GDA: variants seen among roughly 807,000 people sequenced by gnomAD.
GDA encodes cytoplasmic PSD-95 interactor.
GDA carries 18 observed loss-of-function variants against 59.6 expected under a neutral mutation model. That is an observed-to-expected ratio of 0.30 (90% CI 0.21 to 0.45). GDA has a LOEUF of 0.45. Among genes scored for constraint, GDA ranks in the 20% least tolerant of loss-of-function variants. GDA has a pLI of 1.00. For missense variants in GDA, 427 were observed against 552.3 expected (o/e 0.77, Z 2.27); for synonymous variants, 201 against 201.1 (o/e 1.00, Z 0.00).
intron 1 of GDA, among the ~76,000 whole-genome samples, chr9:72,132,274 G>T (rs7019377): frequency 3.3e-5 from 5 of 152,196 alleles, no homozygotes; most frequent in African/African-American, 1.2e-4. Context: ...GCCCAACCAC[G>T]GTGGGGTGCC....
intron 3 of GDA, among the ~76,000 whole-genome samples, chr9:72,203,735 A>G (rs569286286): frequency 6.6e-6 from 1 of 152,084 alleles, no homozygotes; most frequent in East Asian, 1.9e-4. Context: ...TAAGCCTTCC[A>G]CATCAACTGA....
chr9:72,198,600 A>G (rs1231198433), intron 2 of GDA, among the ~76,000 whole-genome samples: 1 of 151,602 alleles, frequency 6.6e-6, no homozygotes, highest in African/African-American at 2.4e-5. Context: ...TAAAGACAAG[A>G]TGTTGTTTGT....
chr9:72,225,891 AAAATTTTTTTT>A, intron 8 of GDA, 107 bp downstream of exon 8: 1 of 579,938 alleles, frequency 1.7e-6, no homozygotes, highest in South Asian at 2.7e-5. Context: ...CATTTCTTTA[AAAATTTTTTTT>A]AAAGTTTTAA....
intron 1 of GDA, among the ~76,000 whole-genome samples, chr9:72,118,998 A>G (rs1201059626): frequency 2.6e-5 from 4 of 152,214 alleles, no homozygotes; most frequent in Non-Finnish European, 2.9e-5. Flanking sequence ...TGGTCACTAA[A>G]TATTAATGAA....
chr9:72,124,222 G>T, intron 1 of GDA, among the ~76,000 whole-genome samples: 1 of 152,212 alleles, frequency 6.6e-6, no homozygotes, highest in East Asian at 1.9e-4. Context: ...CACCTTCCTT[G>T]TAGCTACAAG....
At chr9:72,185,563 A>T (rs1435535244) in intron 1 of GDA, among the ~76,000 whole-genome samples, 1 of 152,192 alleles carries the variant, frequency 6.6e-6, no homozygotes, top group Non-Finnish European at 1.5e-5. Context: ...TCTCTGTTCA[A>T]AAACTTCAAG....
At chr9:72,155,350 G>A (rs140303816) in intron 1 of GDA, among the ~76,000 whole-genome samples, 1,615 of 152,228 alleles carry the variant, frequency 0.011, 14 homozygotes, top group Middle Eastern at 0.017. Context: ...TCAAGTTATC[G>A]CCCACTGGGT....
At chr9:72,130,206 A>T (rs1030306463) in intron 1 of GDA, among the ~76,000 whole-genome samples, 1 of 152,198 alleles carries the variant, frequency 6.6e-6, no homozygotes, top group Admixed American at 6.5e-5. Context: ...TCCTTTATTC[A>T]TCATGAAGGA....
intron 1 of GDA, among the ~76,000 whole-genome samples, chr9:72,187,782 T>G (rs1262110977): frequency 6.6e-6 from 1 of 152,156 alleles, no homozygotes; most frequent in East Asian, 1.9e-4. Context: ...AAAGATTACC[T>G]AAGTGGTCAT....
intron 10 of GDA, among the ~76,000 whole-genome samples, chr9:72,240,774 A>G (rs922597137): frequency 6.6e-6 from 1 of 152,182 alleles, no homozygotes; most frequent in Admixed American, 6.5e-5. Flanking sequence ...AGCCACCAGG[A>G]GCCACCAGAA....
At chr9:72,174,140 C>T (rs890811196) in intron 1 of GDA, among the ~76,000 whole-genome samples, 1 of 152,162 alleles carries the variant, frequency 6.6e-6, no homozygotes, top group African/African-American at 2.4e-5. Context: ...AGTTCAAGAC[C>T]TATATCAACT....
intron 5 of GDA, chr9:72,215,010 AG>A (rs1264012571): frequency 3.7e-5 from 6 of 160,938 alleles, no homozygotes; most frequent in African/African-American, 1.4e-4. Flanking sequence ...CTGGGATTAC[AG>A]GCATGAGCCA....
intron 5 of GDA, among the ~76,000 whole-genome samples, chr9:72,216,712 G>T (rs1464581579): frequency 2.0e-5 from 3 of 149,874 alleles, no homozygotes; most frequent in African/African-American, 7.4e-5. Context: ...ATCTTGCTTT[G>T]TTGCCCAGGC....
intron 10 of GDA, among the ~76,000 whole-genome samples, chr9:72,236,759 GA>G (rs1163442914): frequency 7.0e-6 from 1 of 142,414 alleles, no homozygotes; most frequent in Non-Finnish European, 1.5e-5. Flanking sequence ...TTTAAGCAAA[GA>G]AACAAAACCA....
At chr9:72,136,176 A>G (rs2130633664) in intron 1 of GDA, among the ~76,000 whole-genome samples, 1 of 152,354 alleles carries the variant, frequency 6.6e-6, no homozygotes, top group South Asian at 2.1e-4. Flanking sequence ...TGTATTATGA[A>G]CAAAATAATG....
intron 1 of GDA, among the ~76,000 whole-genome samples, chr9:72,172,071 C>T (rs756919293): frequency 3.3e-4 from 50 of 152,090 alleles, no homozygotes; most frequent in Non-Finnish European, 6.2e-4. Flanking sequence ...AATTTATGCA[C>T]ATGATAGGAA....
upstream of GDA, among the ~76,000 whole-genome samples, chr9:72,145,944 C>T (rs1826612949): frequency 6.6e-6 from 1 of 152,124 alleles, no homozygotes; most frequent in Non-Finnish European, 1.5e-5. Flanking sequence ...CTATTGAGCA[C>T]CTCCTAGTGA....
At chr9:72,244,150 C>G (rs1429112974) in intron 11 of GDA, among the ~76,000 whole-genome samples, 3 of 150,336 alleles carry the variant, frequency 2.0e-5, no homozygotes, top group Admixed American at 6.7e-5. Flanking sequence ...GCACTCCAGC[C>G]TAGGCGACAG....
intron 1 of GDA, among the ~76,000 whole-genome samples, chr9:72,119,188 A>G (rs1825574125): frequency 6.6e-6 from 1 of 152,206 alleles, no homozygotes; most frequent in Admixed American, 6.5e-5. Context: ...ATGTTTAGGA[A>G]TAAAGGATTA....
Sources: allele counts gnomAD v4.1 joint callset (sites outside exome capture counted in the v4.1 genomes callset), GRCh38; gene constraint gnomAD v4.1.1; transcripts MANE v1.5; gene names NCBI Gene and HGNC (gene_info 2026-07-23, HGNC 2026-07-21).